RPP40: variants seen among roughly 807,000 people sequenced by gnomAD.
The protein encoded by RPP40 is ribonuclease P/MRP subunit p40.
In RPP40, 30 loss-of-function variants were observed where a neutral mutation model predicts 42.5. The ratio of observed to expected loss-of-function variants is 0.71; its 90% CI spans 0.53 to 0.96. The LOEUF (loss-of-function observed/expected upper bound fraction) is 0.96, where lower values mean the gene tolerates loss of function less well. RPP40 is among the 40% of genes least tolerant of loss of function. The probability of loss-of-function intolerance (pLI) is 0.00; values close to 1 mark genes in which losing one functional copy is unlikely to be tolerated. For synonymous variants in RPP40, 173 were observed against 164.0 expected (o/e 1.05, Z -0.42); for missense variants, 426 against 433.5 (o/e 0.98, Z 0.15).
intron 3 of RPP40, 29 bp downstream of exon 3, chr6:5,000,530 CAATT>C: frequency 1.2e-6 from 1 of 838,890 alleles, no homozygotes; most frequent in Non-Finnish European, 1.8e-6. Flanking sequence ...TTTTTTTTAA[CAATT>C]AAAGAAAGAT....
chr6:4,996,098 A>T lies in RPP40; in HGVS notation c.759-13T>A, dbSNP rs1201859127. 1 of 1,613,484 alleles carries T rather than the reference A, an allele frequency of 6.2e-7. No homozygotes were observed. Among genetic ancestry groups the T allele is most frequent in the Non-Finnish European group, 8.5e-7 (1 of 1,179,742 alleles). On this transcript the variant is annotated splice_polypyrimidine_tract_variant and intron_variant, in intron 6 of 7. Transcript: ENST00000380051. ...AGGCTCATTATTTCTGTCACCAAAA[A>T]AATAAAAGAGAGAGAGATAACACAT... is the stretch of plus-strand genomic sequence containing the variant.
At position 4,996,114 on chromosome 6, in the gene RPP40, G is replaced by A. The variant is rs755063249; in HGVS notation, c.759-29C>T. ...TCACCAAAAAAATAAAAGAGAGAGAGATAACACATGTATATCCATCACATG... is the reference window on the plus strand; with the variant it reads ...TCACCAAAAAAATAAAAGAGAGAGAAATAACACATGTATATCCATCACATG... On this transcript the variant is annotated intron_variant, in intron 6 of 7. Transcript: ENST00000380051. The A allele has an allele frequency of 3.1e-6, 5 of 1,611,652 alleles. No individual in the cohort carries two copies. The East Asian group carries it at 1.1e-4, about 36-fold the overall frequency.
intron 1 of RPP40, 152 bp downstream of exon 1, chr6:5,003,728 A>C: frequency 2.1e-6 from 2 of 971,832 alleles, no homozygotes; most frequent in Non-Finnish European, 2.9e-6. Flanking sequence ...TAGAGCAGTT[A>C]AGAGACTACA....
Position 4,995,995 on chromosome 6 carries a change from G to A in RPP40, c.849C>T (p.Gly283=). 6.2e-7 allele frequency: 1 copy of A among 1,614,026 alleles called. No homozygotes were observed. Among genetic ancestry groups the A allele is most frequent in the Non-Finnish European group, 8.5e-7 (1 of 1,179,896 alleles). The change falls in exon 7 of 8, where the codon GGC becomes GGT. Residue 283 remains glycine (G), a synonymous_variant. Transcript: ENST00000380051. ...GACAGATCTTCTCTGGAAGTATGAAGCCAGTGATTGTACACAAATAAGCTT... is the reference window on the plus strand; with the variant it reads ...GACAGATCTTCTCTGGAAGTATGAAACCAGTGATTGTACACAAATAAGCTT... ...VAKAYLCTIT[G]FILPEKICLL... is the part of the protein sequence containing the mutation.
chr6:4,995,326 G>A, intron 7 of RPP40, 50 bp from the exon 8 acceptor site: 1 of 1,332,416 alleles, frequency 7.5e-7, no homozygotes, highest in Non-Finnish European at 1.1e-6. Context: ...AGTTAGGAAT[G>A]TCTGCATTTT....
At chr6:4,989,480 G>A in the RPP40 span, among the ~76,000 whole-genome samples, 4 of 151,848 alleles carry the variant, frequency 2.6e-5, no homozygotes, top group Non-Finnish European at 4.4e-5. Flanking sequence ...AGGCTGCTGG[G>A]ATTTTGATTG....
In RPP40 at chr6:4,996,041, T is replaced by G; in HGVS notation, c.803A>C (p.Glu268Ala). The G allele has an allele frequency of 6.2e-7, 1 of 1,614,110 alleles. No homozygotes were observed. The highest frequency in any genetic ancestry group is 8.5e-7 in the Non-Finnish European group (1 of 1,179,966). ...AGCTTTTGCCACCACTGTGCTTGGC[T>G]CAGGACAGCAATAGGTTGATATGAA... ...NNFISTYCCPEPSTVVAKAYL... is the reference protein window; with the variant it reads ...NNFISTYCCPAPSTVVAKAYL... The change falls in exon 7 of 8, where the codon GAG becomes GCG. Residue 268 changes from glutamate (E) to alanine (A), a missense_variant. Glu to Ala is a moderately radical substitution (Grantham distance 107). Coordinates refer to ENST00000380051, the MANE Select transcript of RPP40 (RefSeq NM_006638.4).
downstream of RPP40, among the ~76,000 whole-genome samples, chr6:4,993,076 G>A (rs1446617444): frequency 1.3e-5 from 2 of 152,158 alleles, no homozygotes; most frequent in South Asian, 4.2e-4. Flanking sequence ...TTAAATAACT[G>A]TCTTTTAAAG....
chr6:5,002,370 C>A, intron 1 of RPP40, 125 bp from the exon 2 acceptor site: 2 of 695,456 alleles, frequency 2.9e-6, no homozygotes, highest in Non-Finnish European at 4.2e-6. Flanking sequence ...CATAAAAACA[C>A]GGGCAACAAA....
At chr6:4,995,420 G>T in intron 7 of RPP40, 144 bp from the exon 8 acceptor site, 1 of 638,334 alleles carries the variant, frequency 1.6e-6, no homozygotes, top group Non-Finnish European at 2.7e-6. Flanking sequence ...ATCAAGAGGT[G>T]TGTGATAAGT....
chr6:4,990,244 A>G (rs1293141772), downstream of RPP40, among the ~76,000 whole-genome samples: 2 of 152,090 alleles, frequency 1.3e-5, no homozygotes, highest in African/African-American at 4.8e-5. Context: ...TCAAATGTTA[A>G]GTCAACCCTA....
intron 1 of RPP40, 119 bp downstream of exon 1, chr6:5,003,761 G>T: frequency 1.5e-6 from 2 of 1,316,532 alleles, no homozygotes; most frequent in Non-Finnish European, 1.0e-6. Flanking sequence ...CCGGGCGAGG[G>T]CCCCGCCCCT....
At position 4,995,292 on chromosome 6, in the gene RPP40, T is replaced by C. The variant is rs1055095275; in HGVS notation, c.894-16A>G. ...AAAGTAGTGACTGAAAAAAAGGTAG[T>C]TGTTAAACAGAGTTTTAAAAGAGAG... On this transcript the variant is annotated splice_polypyrimidine_tract_variant and intron_variant, in intron 7 of 7. Coordinates refer to ENST00000380051, the MANE Select transcript of RPP40 (RefSeq NM_006638.4). The C allele has an allele frequency of 3.8e-6, 6 of 1,588,452 alleles. No homozygotes were observed. The African/African-American group carries it at 6.8e-5, about 18-fold the overall frequency.
Position 5,002,228 on chromosome 6 carries a change from A to G in RPP40, c.141T>C (p.Pro47=), listed in dbSNP as rs143802269. ...YYNYRVSFLI[P]ECGILSEELK... ...GTTCTTCCGATAGTATCCCACATTC[A>G]GGAATGAGAAATGAAACCTATTGGA... is the stretch of plus-strand genomic sequence containing the variant. The change falls in exon 2 of 8, where the codon CCT becomes CCC. Residue 47 remains proline (P), a synonymous_variant. Coordinates refer to ENST00000380051, the MANE Select transcript of RPP40 (RefSeq NM_006638.4). The G allele has an allele frequency of 4.4e-5, 71 of 1,612,512 alleles. No individual in the cohort carries two copies. The highest frequency in any genetic ancestry group is 6.0e-5 in the Non-Finnish European group (71 of 1,179,352).
intron 2 of RPP40, chr6:5,001,204 C>T (rs559488425): frequency 2.2e-6 from 1 of 453,476 alleles, no homozygotes; most frequent in Admixed American, 2.4e-5. Context: ...CTCCAAGCCT[C>T]AGTTTCCTCA....
At chr6:4,990,138 G>A (rs1345464215), downstream of RPP40, among the ~76,000 whole-genome samples, 2 of 152,198 alleles carry the variant, frequency 1.3e-5, no homozygotes, top group Non-Finnish European at 2.9e-5. Context: ...TATCAGTAAT[G>A]AATGCTGGAT....
In RPP40 at chr6:5,001,309, C is replaced by T. The variant is rs571343528; in HGVS notation, c.269-678G>A. Among the ~76,000 whole-genome samples the T allele has an allele frequency of 6.6e-5, 10 of 152,294 alleles. No homozygotes were observed. The South Asian group carries it at 1.0e-3, about 16-fold the overall frequency. ...CAGTGCCTGCTACAGCCATTGTCCA[C>T]GTAATTCACAGAGTGGTGTCAGGCC... On this transcript the variant is annotated intron_variant, in intron 2 of 7. Transcript: ENST00000380051.
chr6:4,993,722 T>C (rs1759293683), downstream of RPP40, among the ~76,000 whole-genome samples: 1 of 152,224 alleles, frequency 6.6e-6, no homozygotes, highest in Non-Finnish European at 1.5e-5. Context: ...AAACTGCTGT[T>C]ATATATAAAT....
At chr6:4,990,519 T>C (rs1248246571), downstream of RPP40, among the ~76,000 whole-genome samples, 1 of 152,148 alleles carries the variant, frequency 6.6e-6, no homozygotes, top group African/African-American at 2.4e-5. Context: ...GGCCTTGATT[T>C]GTCAGCCAGG....
Sources: gnomAD v4.1 joint callset for allele counts (sites outside exome capture counted in the v4.1 genomes callset) on GRCh38, gnomAD v4.1.1 for gene constraint, MANE v1.5 for transcripts, NCBI Gene and HGNC (gene_info 2026-07-23, HGNC 2026-07-21) for gene names.